Variants in KCND2 observed in about 807,000 individuals in gnomAD.
KCND2 encodes the protein A-type voltage-gated potassium channel KCND2.
KCND2 carries 16 observed loss-of-function variants against 54.4 expected under a neutral mutation model. The observed-to-expected ratio is 0.29, with a 90% CI of 0.20 to 0.45. The LOEUF is 0.45. Ranked by LOEUF, KCND2 falls within the 20% of genes least tolerant of loss-of-function variation. KCND2 has a pLI of 1.00. For missense variants in KCND2, 486 were observed against 824.2 expected (o/e 0.59, Z 5.02); for synonymous variants, 317 against 310.7 (o/e 1.02, Z -0.21).
chr7:120,686,365 C>T (rs2116596658), intron 1 of KCND2, among the ~76,000 whole-genome samples: 1 of 152,172 alleles, frequency 6.6e-6, no homozygotes, highest in Admixed American at 6.5e-5. Context: ...CACCATTTTC[C>T]ACCCCCACGA....
intron 1 of KCND2, among the ~76,000 whole-genome samples, chr7:120,309,089 A>C (rs755501017): frequency 2.6e-5 from 4 of 152,158 alleles, no homozygotes; most frequent in Non-Finnish European, 2.9e-5. Flanking sequence ...TACAAGGAAC[A>C]CAAAACAGGA....
At chr7:120,321,465 T>C (rs1158601195) in intron 1 of KCND2, among the ~76,000 whole-genome samples, 1 of 152,168 alleles carries the variant, frequency 6.6e-6, no homozygotes, top group Non-Finnish European at 1.5e-5. Flanking sequence ...AAGTTACAGA[T>C]TTTTAACATA....
intron 1 of KCND2, among the ~76,000 whole-genome samples, chr7:120,392,942 C>T (rs1801099772): frequency 6.6e-6 from 1 of 152,000 alleles, no homozygotes; most frequent in Non-Finnish European, 1.5e-5. Flanking sequence ...ATATTTAAAA[C>T]AATACATGTA....
intron 1 of KCND2, among the ~76,000 whole-genome samples, chr7:120,558,245 A>G (rs1052558179): frequency 6.6e-6 from 1 of 152,206 alleles, no homozygotes; most frequent in East Asian, 1.9e-4. Flanking sequence ...TCAGGCTTAA[A>G]TAAAAGTAAC....
intron 1 of KCND2, among the ~76,000 whole-genome samples, chr7:120,617,604 G>C (rs1227062771): frequency 1.3e-5 from 2 of 152,138 alleles, no homozygotes; most frequent in African/African-American, 4.8e-5. Flanking sequence ...CAAAGAGCTT[G>C]AAACAGAACT....
At chr7:120,566,696 C>T (rs1179108222) in intron 1 of KCND2, among the ~76,000 whole-genome samples, 1 of 151,776 alleles carries the variant, frequency 6.6e-6, no homozygotes, top group South Asian at 2.1e-4. Flanking sequence ...CGCTAAGGCT[C>T]AGAACAGTTA....
chr7:120,745,308 C>A (rs1792991588), intron 4 of KCND2, among the ~76,000 whole-genome samples: 1 of 152,042 alleles, frequency 6.6e-6, no homozygotes, highest in Non-Finnish European at 1.5e-5. Context: ...TGTTTTCACT[C>A]CCATGTGAAA....
chr7:120,519,928 TATA>T (rs1791666798), intron 1 of KCND2, among the ~76,000 whole-genome samples: 1 of 152,142 alleles, frequency 6.6e-6, no homozygotes, highest in Non-Finnish European at 1.5e-5. Context: ...TATTAAGACA[TATA>T]ATGATTTTGT....
chr7:120,384,485 A>C (rs1800959532), intron 1 of KCND2, among the ~76,000 whole-genome samples: 1 of 152,064 alleles, frequency 6.6e-6, no homozygotes, highest in Non-Finnish European at 1.5e-5. Context: ...TTAAGCTCCT[A>C]CCCCTGAATA....
At chr7:120,574,347 T>A (rs1157831228) in intron 1 of KCND2, among the ~76,000 whole-genome samples, 1 of 152,182 alleles carries the variant, frequency 6.6e-6, no homozygotes, top group Non-Finnish European at 1.5e-5. Flanking sequence ...AAGCCTTGGA[T>A]ATCATATGTG....
chr7:120,320,342 A>G (rs1327014183), intron 1 of KCND2, among the ~76,000 whole-genome samples: 2 of 152,106 alleles, frequency 1.3e-5, no homozygotes, highest in Admixed American at 1.3e-4. Flanking sequence ...AATGGATGTG[A>G]CCCTACCATT....
chr7:120,426,683 G>T (rs923736536), intron 1 of KCND2, among the ~76,000 whole-genome samples: 1 of 137,470 alleles, frequency 7.3e-6, no homozygotes, highest in African/African-American at 3.0e-5. Context: ...GTGCAGTGGC[G>T]CAATCTCAGC....
intron 1 of KCND2, among the ~76,000 whole-genome samples, chr7:120,328,415 G>A (rs563738695): frequency 9.2e-5 from 14 of 152,210 alleles, no homozygotes; most frequent in African/African-American, 3.1e-4. Flanking sequence ...TATAGATGAG[G>A]ATTCTGGCAG....
chr7:120,472,198 T>C (rs1043002775), intron 1 of KCND2, among the ~76,000 whole-genome samples: 9 of 151,818 alleles, frequency 5.9e-5, no homozygotes, highest in Admixed American at 5.3e-4. Context: ...TGTTTTTTTC[T>C]TTTTATTTCT....
chr7:120,458,882 AAGAC>A (rs1802240237), intron 1 of KCND2, among the ~76,000 whole-genome samples: 1 of 150,634 alleles, frequency 6.6e-6, no homozygotes, highest in Admixed American at 6.6e-5. Context: ...TTATTATGGA[AAGAC>A]AGTAGGAGAC....
At chr7:120,358,526 T>TTTTC (rs896622275) in intron 1 of KCND2, among the ~76,000 whole-genome samples, 1 of 152,044 alleles carries the variant, frequency 6.6e-6, no homozygotes, top group Non-Finnish European at 1.5e-5. Context: ...GTCTAATCAG[T>TTTTC]TTTCTTTCTT....
At chr7:120,513,838 C>T (rs911949695) in intron 1 of KCND2, among the ~76,000 whole-genome samples, 3 of 151,874 alleles carry the variant, frequency 2.0e-5, no homozygotes, top group South Asian at 4.1e-4. Context: ...TTAAAATATC[C>T]ATCCAAAGGT....
At chr7:120,326,489 A>G (rs1799981499) in intron 1 of KCND2, among the ~76,000 whole-genome samples, 1 of 152,100 alleles carries the variant, frequency 6.6e-6, no homozygotes, top group Non-Finnish European at 1.5e-5. Context: ...GTGTGTAAAC[A>G]TTCATGCATA....
intron 1 of KCND2, among the ~76,000 whole-genome samples, chr7:120,444,431 C>T (rs1192116203): frequency 2.0e-5 from 3 of 152,090 alleles, no homozygotes; most frequent in African/African-American, 7.2e-5. Context: ...CTAGATTTGT[C>T]TTTTTCTTTC....
Sources: allele counts gnomAD v4.1 joint callset (sites outside exome capture counted in the v4.1 genomes callset), GRCh38; gene constraint gnomAD v4.1.1; transcripts MANE v1.5; gene names NCBI Gene and HGNC (gene_info 2026-07-23, HGNC 2026-07-21).